PDZD8: variants seen among roughly 807,000 people sequenced by gnomAD.
The protein encoded by PDZD8 is PDZ domain containing 8, also known as PDZ domain-containing protein 8.
A neutral mutation model predicts 85.8 loss-of-function variants in PDZD8; 14 were observed. The ratio of observed to expected loss-of-function variants is 0.16; its 90% CI spans 0.11 to 0.26. The LOEUF (loss-of-function observed/expected upper bound fraction) is 0.26. Among genes scored for constraint, PDZD8 ranks in the 10% least tolerant of loss-of-function variants. The pLI, the probability that PDZD8 is intolerant of heterozygous loss-of-function variation, is 1.00. For missense variants in PDZD8, 1,197 were observed against 1,424.3 expected (o/e 0.84, Z 2.57); for synonymous variants, 592 against 568.6 (o/e 1.04, Z -0.59).
chr10:117,321,646 A>G (rs532413691), intron 2 of PDZD8, among the ~76,000 whole-genome samples: 29 of 152,298 alleles, frequency 1.9e-4, no homozygotes, highest in African/African-American at 4.3e-4. Context: ...TATATTAATT[A>G]TATCTCAATA....
Position 117,282,995 on chromosome 10 carries a change from T to G in PDZD8, c.*273A>C. The G allele has an allele frequency of 2.7e-6, 1 of 372,494 alleles. No individual in the cohort carries two copies. Among genetic ancestry groups the G allele is most frequent in the Middle Eastern group, 7.2e-4 (1 of 1,390 alleles). The allele number at this position is 372,494 out of a possible 1,614,324, so 23.1% of individuals were successfully genotyped here. On this transcript the variant is annotated 3_prime_UTR_variant, in exon 5 of 5. Transcript: ENST00000334464. ...CATAAACATGAAAAGCTAGCTTACATAATTACATAATTAGAAAAGTTAAAT... is the reference window on the plus strand; with the variant it reads ...CATAAACATGAAAAGCTAGCTTACAGAATTACATAATTAGAAAAGTTAAAT...
intron 2 of PDZD8, among the ~76,000 whole-genome samples, chr10:117,332,180 A>T (rs1218732913): frequency 6.6e-6 from 1 of 152,194 alleles, no homozygotes; most frequent in East Asian, 1.9e-4. Flanking sequence ...CAACAATTCC[A>T]AGTAATTCCT....
In PDZD8 at chr10:117,281,974, G is replaced by A. The variant is rs1047687563; in HGVS notation, c.*1294C>T. The stretch of plus-strand genomic sequence containing the variant: ...AAACCATTAAGGTACCCCAACAACA[G>A]TCGAGCTTACTTGTTTTCCCTCAGT... On this transcript the variant is annotated 3_prime_UTR_variant, in exon 5 of 5. Coordinates refer to ENST00000334464, the MANE Select transcript of PDZD8 (RefSeq NM_173791.5). 2 of 152,130 alleles carry A rather than the reference G, an allele frequency of 1.3e-5. No homozygotes were observed. Among genetic ancestry groups the A allele is most frequent in the African/African-American group, 4.8e-5 (2 of 41,424 alleles). 9.4% of individuals were successfully genotyped at this position (152,130 alleles called of 1,614,324 possible).
chr10:117,373,145 TAA>T (rs1328605637), intron 1 of PDZD8, among the ~76,000 whole-genome samples: 2 of 152,070 alleles, frequency 1.3e-5, no homozygotes, highest in East Asian at 1.9e-4. Flanking sequence ...CCTCTAGCCC[TAA>T]AAAAGTCTTT....
intron 1 of PDZD8, among the ~76,000 whole-genome samples, chr10:117,367,807 G>T (rs1032549666): frequency 6.6e-6 from 1 of 151,546 alleles, no homozygotes; most frequent in East Asian, 2.0e-4. Context: ...TGTGGCACAC[G>T]CCTGTGGGAG....
intron 3 of PDZD8, among the ~76,000 whole-genome samples, chr10:117,317,606 T>C (rs914009771): frequency 3.3e-5 from 5 of 152,186 alleles, no homozygotes; most frequent in Non-Finnish European, 7.4e-5. Flanking sequence ...AAAATGCCAA[T>C]AGCAATGGCA....
chr10:117,335,983 A>G (rs1198313062), intron 2 of PDZD8, among the ~76,000 whole-genome samples: 1 of 152,236 alleles, frequency 6.6e-6, no homozygotes, highest in Non-Finnish European at 1.5e-5. Context: ...ACAGGTTTGC[A>G]CATTCTTTAT....
intron 1 of PDZD8, among the ~76,000 whole-genome samples, chr10:117,350,656 C>A (rs1197916977): frequency 6.6e-6 from 1 of 151,370 alleles, no homozygotes; most frequent in African/African-American, 2.4e-5. Context: ...GTAATCCCAG[C>A]ACTTTGGGAG....
At chr10:117,352,800 C>T (rs1392472739) in intron 1 of PDZD8, among the ~76,000 whole-genome samples, 1 of 152,160 alleles carries the variant, frequency 6.6e-6, no homozygotes, top group Admixed American at 6.5e-5. Flanking sequence ...CAAGGCTGGC[C>T]ACACCACAGG....
chr10:117,317,399 T>C (rs974290552), intron 3 of PDZD8, among the ~76,000 whole-genome samples: 1 of 115,644 alleles, frequency 8.6e-6, no homozygotes, highest in African/African-American at 3.0e-5. Context: ...CAGACATTCG[T>C]AATTTAATGC....
chr10:117,304,040 C>T (rs1589552845), intron 3 of PDZD8, among the ~76,000 whole-genome samples: 1 of 152,132 alleles, frequency 6.6e-6, no homozygotes, highest in South Asian at 2.1e-4. Context: ...TCCTCCAGAA[C>T]CCAGAATGGA....
At chr10:117,339,329 A>G (rs1844570310) in intron 2 of PDZD8, among the ~76,000 whole-genome samples, 1 of 152,188 alleles carries the variant, frequency 6.6e-6, no homozygotes, top group Non-Finnish European at 1.5e-5. Context: ...ATGTAGCCGG[A>G]GGATAGTATA....
At chr10:117,331,625 T>C (rs540592673) in intron 2 of PDZD8, among the ~76,000 whole-genome samples, 2 of 152,350 alleles carry the variant, frequency 1.3e-5, no homozygotes, top group Non-Finnish European at 2.9e-5. Flanking sequence ...CTGAAGGTAT[T>C]GTATGAGTGT....
In PDZD8 at chr10:117,305,455, C is replaced by T. The variant is rs61865277; in HGVS notation, c.1098+13417G>A. On this transcript the variant is annotated intron_variant, in intron 3 of 4. Coordinates refer to ENST00000334464, the MANE Select transcript of PDZD8 (RefSeq NM_173791.5). ...CAAACAAAATACACACACACACACA[C>T]ATATATACACACACATACACACACA... Among the ~76,000 whole-genome samples the T allele has an allele frequency of 6.8e-4, 51 of 74,650 alleles. No homozygotes were observed. The East Asian group carries it at 6.9e-3, about 10-fold the overall frequency. The allele number at this position is 74,650 out of a possible 152,430, so 49.0% of individuals were successfully genotyped here.
At chr10:117,289,821 A>C (rs1162599214) in intron 4 of PDZD8, among the ~76,000 whole-genome samples, 1 of 152,174 alleles carries the variant, frequency 6.6e-6, no homozygotes, top group Non-Finnish European at 1.5e-5. Context: ...TTAGGTTCAG[A>C]GTAGCAATGG....
At chr10:117,336,414 T>A (rs1404435462) in intron 2 of PDZD8, among the ~76,000 whole-genome samples, 1 of 152,180 alleles carries the variant, frequency 6.6e-6, no homozygotes, top group Non-Finnish European at 1.5e-5. Flanking sequence ...ATATATGAAG[T>A]AGCAATAAAC....
intron 3 of PDZD8, among the ~76,000 whole-genome samples, chr10:117,310,250 T>C (rs1211183095): frequency 6.6e-6 from 1 of 152,140 alleles, no homozygotes; most frequent in African/African-American, 2.4e-5. Flanking sequence ...GTCACCGCCT[T>C]AATATATTCT....
intron 1 of PDZD8, among the ~76,000 whole-genome samples, chr10:117,372,116 T>C (rs763557552): frequency 3.9e-5 from 6 of 152,234 alleles, no homozygotes; most frequent in Non-Finnish European, 5.9e-5. Flanking sequence ...GATTGAGTGA[T>C]ATGCTCTGTG....
chr10:117,329,794 A>C (rs1346538308), intron 2 of PDZD8, among the ~76,000 whole-genome samples: 1 of 151,376 alleles, frequency 6.6e-6, no homozygotes, highest in Non-Finnish European at 1.5e-5. Context: ...AAAAATACAA[A>C]AAGGAGTTGG....
Sources: gnomAD v4.1 joint callset for allele counts (sites outside exome capture counted in the v4.1 genomes callset) on GRCh38, gnomAD v4.1.1 for gene constraint, MANE v1.5 for transcripts, NCBI Gene and HGNC (gene_info 2026-07-23, HGNC 2026-07-21) for gene names.